Variants in KLHL5 observed in about 807,000 individuals in gnomAD.
The protein encoded by KLHL5 is kelch-like protein 5.
A neutral mutation model predicts 77.7 loss-of-function variants in KLHL5; 48 were observed. The ratio of observed to expected loss-of-function variants is 0.62; its 90% confidence interval spans 0.49 to 0.79. KLHL5 has a LOEUF of 0.79. KLHL5 is among the 30% of genes least tolerant of loss of function. The probability of loss-of-function intolerance (pLI) is 0.00; values close to 1 mark genes in which losing one functional copy is unlikely to be tolerated. For missense variants in KLHL5, 723 were observed against 859.7 expected, an observed-to-expected ratio of 0.84 and a Z score of 1.99; for synonymous variants, 260 against 297.0, an observed-to-expected ratio of 0.88 and a Z score of 1.28.
intron 1 of KLHL5, 134 bp downstream of exon 1, chr4:39,063,169 TG>T: frequency 1.6e-6 from 1 of 608,578 alleles, no homozygotes; most frequent in Non-Finnish European, 2.6e-6. Flanking sequence ...TATCTTGGTA[TG>T]AACATGTGAT....
intron 6 of KLHL5, among the ~76,000 whole-genome samples, chr4:39,102,384 T>TAA (rs542878375): frequency 0.012 from 1,558 of 133,096 alleles, 21 homozygotes; most frequent in African/African-American, 0.04. Flanking sequence ...TTCCAATTCT[T>TAA]AAAAAAAAAA....
At chr4:39,062,082 T>G, upstream of KLHL5, 1 of 248,026 alleles carries the variant, frequency 4.0e-6, no homozygotes, top group Non-Finnish European at 6.5e-6. Flanking sequence ...AAAAACTTGT[T>G]TTGTGGTATT....
chr4:39,050,795 G>A (rs1716579901), intron 1 of KLHL5, among the ~76,000 whole-genome samples: 1 of 152,204 alleles, frequency 6.6e-6, no homozygotes, highest in African/African-American at 2.4e-5. Flanking sequence ...ACATGAGCTT[G>A]CAAATTCTAG....
At chr4:39,084,750 T>TA (rs1479682540) in intron 4 of KLHL5, among the ~76,000 whole-genome samples, 4 of 152,218 alleles carry the variant, frequency 2.6e-5, no homozygotes, top group Non-Finnish European at 5.9e-5. Flanking sequence ...ATGGCATAGT[T>TA]ATACCAATGT....
chr4:39,078,036 A>G (rs1719241949), intron 2 of KLHL5, among the ~76,000 whole-genome samples: 1 of 152,196 alleles, frequency 6.6e-6, no homozygotes, highest in South Asian at 2.1e-4. Flanking sequence ...GGAAAACCAA[A>G]CATCATATGT....
In KLHL5 at chr4:39,126,089, C is replaced by A. The variant is rs545377188; in HGVS notation, c.*5023C>A. Among the ~76,000 whole-genome samples, 59 of 152,280 alleles carry A rather than the reference C, an allele frequency of 3.9e-4. No homozygotes were observed. Among genetic ancestry groups the A allele is most frequent in the Non-Finnish European group, 5.1e-4 (35 of 68,026 alleles). ...GGAGAGTTAACGGGGAACTTCCCCA[C>A]CGTCCGGTACATGGCAGGCATTCCA... is the stretch of plus-strand genomic sequence containing the variant. On this transcript the variant is annotated 3_prime_UTR_variant, in exon 11 of 11. Transcript: ENST00000504108.
chr4:39,139,441 T>C, the KLHL5 span, among the ~76,000 whole-genome samples: 1 of 152,142 alleles, frequency 6.6e-6, no homozygotes, highest in African/African-American at 2.4e-5. Flanking sequence ...GCAGTGAAAC[T>C]ATTCTGTATG....
intron 8 of KLHL5, among the ~76,000 whole-genome samples, chr4:39,110,465 C>T (rs1318466846): frequency 5.3e-5 from 8 of 151,896 alleles, no homozygotes; most frequent in Non-Finnish European, 1.5e-5. Context: ...TACTTGCATT[C>T]CTTTTACTTT....
chr4:39,076,033 T>C lies in KLHL5; in HGVS notation c.452T>C (p.Phe151Ser). ...GAGCCATGTACATCAGATGAATTTT[T>C]CCAAGCCCTTAATCATGCCGAGCAA... The part of the protein sequence containing the change: ...TMEPCTSDEF[F>S]QALNHAEQTF... The change falls in exon 2 of 11, where the codon TTC becomes TCC. Residue 151 changes from phenylalanine (F) to serine (S), a missense_variant. Coordinates refer to ENST00000504108, the MANE Select transcript of KLHL5 (RefSeq NM_015990.5). 1 of 1,613,014 alleles carries C rather than the reference T, an allele frequency of 6.2e-7. No homozygotes were observed. Among genetic ancestry groups the C allele is most frequent in the Admixed American group, 1.7e-5 (1 of 59,824 alleles).
At chr4:39,066,022 C>G (rs1171603216) in intron 1 of KLHL5, among the ~76,000 whole-genome samples, 1 of 152,186 alleles carries the variant, frequency 6.6e-6, no homozygotes, top group Admixed American at 6.5e-5. Flanking sequence ...AAATGTCTGT[C>G]TGAGTCTTAG....
intron 10 of KLHL5, among the ~76,000 whole-genome samples, chr4:39,118,624 C>T (rs1275187116): frequency 3.3e-5 from 5 of 152,016 alleles, no homozygotes; most frequent in Non-Finnish European, 5.9e-5. Context: ...GGCGTGGTGG[C>T]GTGCACCTAT....
intron 1 of KLHL5, among the ~76,000 whole-genome samples, chr4:39,054,283 C>T (rs774804808): frequency 3.3e-5 from 5 of 152,092 alleles, no homozygotes; most frequent in African/African-American, 1.2e-4. Flanking sequence ...GTGGTGTATT[C>T]GAAAGTATAT....
upstream of KLHL5, among the ~76,000 whole-genome samples, chr4:39,058,446 C>T (rs1363537118): frequency 6.6e-6 from 1 of 151,946 alleles, no homozygotes; most frequent in African/African-American, 2.4e-5. Flanking sequence ...GGCAACATGG[C>T]AAAACCCTGG....
chr4:39,102,495 C>T (rs1166320624), intron 6 of KLHL5, among the ~76,000 whole-genome samples: 2 of 116,088 alleles, frequency 1.7e-5, no homozygotes, highest in African/African-American at 3.3e-5. Context: ...CCCGCCCTTG[C>T]TTATTGCAGT....
At chr4:39,102,733 C>T (rs902757356) in intron 6 of KLHL5, among the ~76,000 whole-genome samples, 2 of 152,176 alleles carry the variant, frequency 1.3e-5, no homozygotes, top group Non-Finnish European at 2.9e-5. Flanking sequence ...CAAAACCTTC[C>T]TCAACTCTTC....
At chr4:39,103,260 A>T in intron 6 of KLHL5, 27 bp from the exon 7 acceptor site, 1 of 1,496,492 alleles carries the variant, frequency 6.7e-7, no homozygotes, top group Non-Finnish European at 9.2e-7. Flanking sequence ...ATTTCTATTT[A>T]CATAACTTCT....
chr4:39,068,238 A>G (rs1474710062), intron 1 of KLHL5, among the ~76,000 whole-genome samples: 1 of 151,954 alleles, frequency 6.6e-6, no homozygotes, highest in African/African-American at 2.4e-5. Flanking sequence ...CTAGTCTATT[A>G]ATTCTGGTTC....
intron 10 of KLHL5, among the ~76,000 whole-genome samples, chr4:39,117,496 C>A (rs2109601006): frequency 6.6e-6 from 1 of 152,184 alleles, no homozygotes; most frequent in Non-Finnish European, 1.5e-5. Flanking sequence ...GCTTCAGTTG[C>A]AAGGCTTGAA....
intron 5 of KLHL5, among the ~76,000 whole-genome samples, chr4:39,090,985 ATTT>A (rs61479288): frequency 1.6e-4 from 20 of 127,284 alleles, no homozygotes; most frequent in Non-Finnish European, 1.6e-4. Context: ...TCAGTTTTTA[ATTT>A]TTTTTTTTTT....
Sources: allele counts gnomAD v4.1 joint callset (sites outside exome capture counted in the v4.1 genomes callset), GRCh38; gene constraint gnomAD v4.1.1; transcripts MANE v1.5; gene names NCBI Gene and HGNC (gene_info 2026-07-23, HGNC 2026-07-21).